TAFA5: variants seen among roughly 807,000 people sequenced by gnomAD.
The protein encoded by TAFA5 is chemokine-like protein TAFA-5.
A neutral mutation model predicts 15.3 loss-of-function variants in TAFA5; 6 were observed. The observed-to-expected ratio is 0.39, with a 90% CI of 0.21 to 0.77. The LOEUF is 0.77. Ranked by LOEUF, TAFA5 falls within the 30% of genes least tolerant of loss-of-function variation. The probability of loss-of-function intolerance (pLI) is 0.41; values close to 1 mark genes in which losing one functional copy is unlikely to be tolerated. For synonymous variants in TAFA5, 103 were observed against 80.7 expected (o/e 1.28, Z -1.48); for missense variants, 161 against 193.1 (o/e 0.83, Z 0.98).
chr22:48,559,160 T>C (rs564170772), intron 1 of TAFA5, among the ~76,000 whole-genome samples: 38 of 152,174 alleles, frequency 2.5e-4, no homozygotes, highest in Middle Eastern at 3.2e-3. Context: ...CTTGACCTTG[T>C]TGAGGCCGCC....
At chr22:48,708,759 A>G (rs1458826510) in intron 3 of TAFA5, among the ~76,000 whole-genome samples, 1 of 152,208 alleles carries the variant, frequency 6.6e-6, no homozygotes, top group Non-Finnish European at 1.5e-5. Flanking sequence ...GTGGCTGGGC[A>G]GAAGGATCTG....
chr22:48,662,976 C>G (rs1927497248), intron 2 of TAFA5, among the ~76,000 whole-genome samples: 1 of 152,200 alleles, frequency 6.6e-6, no homozygotes, highest in Non-Finnish European at 1.5e-5. Flanking sequence ...CTCGGCAGAT[C>G]TGGCAGCTCA....
chr22:48,642,991 A>T (rs761787), intron 1 of TAFA5, among the ~76,000 whole-genome samples: 1 of 152,204 alleles, frequency 6.6e-6, no homozygotes, highest in African/African-American at 2.4e-5. Context: ...GTATTGGGCT[A>T]AGTGTTCTCA....
intron 2 of TAFA5, among the ~76,000 whole-genome samples, chr22:48,653,106 C>T (rs996789968): frequency 1.3e-5 from 2 of 152,176 alleles, no homozygotes; most frequent in Non-Finnish European, 1.5e-5. Context: ...CTGCCACCCG[C>T]GGCCTTTTTG....
intron 1 of TAFA5, among the ~76,000 whole-genome samples, chr22:48,529,158 G>A (rs1182729654): frequency 8.0e-6 from 1 of 125,612 alleles, no homozygotes; most frequent in Non-Finnish European, 1.8e-5. Context: ...TCAAGGTGGA[G>A]GCTGTTGAGG....
At chr22:48,597,374 G>T (rs1447182731) in intron 1 of TAFA5, among the ~76,000 whole-genome samples, 1 of 151,120 alleles carries the variant, frequency 6.6e-6, no homozygotes, top group African/African-American at 2.4e-5. Flanking sequence ...ACGCCACCTG[G>T]CCCGCATCAC....
intron 1 of TAFA5, among the ~76,000 whole-genome samples, chr22:48,633,557 T>C (rs1047622359): frequency 6.6e-6 from 1 of 150,712 alleles, no homozygotes; most frequent in African/African-American, 2.5e-5. Context: ...TCTCTCTCTC[T>C]CCATCTCTCC....
intron 2 of TAFA5, among the ~76,000 whole-genome samples, chr22:48,704,710 C>A (rs994639298): frequency 6.6e-6 from 1 of 152,046 alleles, no homozygotes; most frequent in Non-Finnish European, 1.5e-5. Flanking sequence ...GCTGGAGTTT[C>A]CTCACCTGAC....
At chr22:48,713,148 G>T (rs925708780) in intron 3 of TAFA5, among the ~76,000 whole-genome samples, 1 of 152,242 alleles carries the variant, frequency 6.6e-6, no homozygotes, top group African/African-American at 2.4e-5. Context: ...TGTGCTGCAT[G>T]AAATCACAGT....
chr22:48,507,480 G>T (rs1013151765), intron 1 of TAFA5, among the ~76,000 whole-genome samples: 6 of 152,220 alleles, frequency 3.9e-5, no homozygotes, highest in African/African-American at 1.4e-4. Context: ...GTCTGCCTGG[G>T]ACTTGATTTC....
chr22:48,623,770 T>G (rs1925935514), intron 1 of TAFA5, among the ~76,000 whole-genome samples: 2 of 152,242 alleles, frequency 1.3e-5, no homozygotes, highest in Admixed American at 1.3e-4. Context: ...CCTTCGTATT[T>G]CCTACAGATA....
chr22:48,675,058 T>C (rs529771512), intron 2 of TAFA5, among the ~76,000 whole-genome samples: 30 of 151,920 alleles, frequency 2.0e-4, no homozygotes, highest in Non-Finnish European at 4.4e-4. Context: ...TCTCCTGCCT[T>C]AGCCTCCCGA....
chr22:48,518,156 G>A (rs1433279934), intron 1 of TAFA5, among the ~76,000 whole-genome samples: 3 of 152,212 alleles, frequency 2.0e-5, no homozygotes, highest in Non-Finnish European at 2.9e-5. Context: ...AGGTCTGGGA[G>A]GCTTTCTCCA....
chr22:48,748,582 C>T (rs933158269), intron 3 of TAFA5, among the ~76,000 whole-genome samples: 1 of 152,246 alleles, frequency 6.6e-6, no homozygotes, highest in African/African-American at 2.4e-5. Context: ...GGTCCCCTCA[C>T]CCCTGAGCCT....
At chr22:48,536,890 C>T (rs1191193476) in intron 1 of TAFA5, among the ~76,000 whole-genome samples, 2 of 152,178 alleles carry the variant, frequency 1.3e-5, no homozygotes, top group Non-Finnish European at 2.9e-5. Context: ...CCCCGGACAC[C>T]CTGGCACTGG....
chr22:48,576,043 C>G (rs528057396), intron 1 of TAFA5, among the ~76,000 whole-genome samples: 1 of 105,478 alleles, frequency 9.5e-6, no homozygotes, highest in Admixed American at 8.6e-5. Context: ...CGCCGGACCC[C>G]CCCCCCCCCC....
In TAFA5 at chr22:48,722,676, C is replaced by G. The variant is rs554879739; in HGVS notation, c.390+14832C>G. On this transcript the variant is annotated intron_variant, in intron 3 of 3. Coordinates refer to ENST00000402357, the MANE Select transcript of TAFA5 (RefSeq NM_001082967.3). The stretch of plus-strand genomic sequence containing the variant: ...CTATGTACCAAAACTGCACGTTCTG[C>G]CATGTACCCCAGAACTTAAAGTATA... 3.1e-3 allele frequency among the ~76,000 whole-genome samples: 466 copies of G among 152,030 alleles called. 2 individuals are homozygous for G. Among genetic ancestry groups the G allele is most frequent in the Middle Eastern group, 0.02 (6 of 294 alleles).
chr22:48,631,242 A>C lies in TAFA5; in HGVS notation c.113-15355A>C, dbSNP rs370351447. On this transcript the variant is annotated intron_variant, in intron 1 of 3. Transcript: ENST00000402357. ...CCCTCTGCCAGGCCAGGCCAGGGTG[A>C]AGTGGGCAACCTCAGGCTCCCCTGG... 5.3e-5 allele frequency among the ~76,000 whole-genome samples: 8 copies of C among 152,226 alleles called. No individual in the cohort carries two copies. In the East Asian group the frequency reaches 1.2e-3, roughly 22 times the overall value.
chr22:48,615,432 G>A (rs748755635), intron 1 of TAFA5, among the ~76,000 whole-genome samples: 10 of 152,186 alleles, frequency 6.6e-5, no homozygotes, highest in Non-Finnish European at 1.0e-4. Flanking sequence ...GGCCGAGGAC[G>A]CTCTGTCCGT....
Sources: gnomAD v4.1 joint callset for allele counts (sites outside exome capture counted in the v4.1 genomes callset) on GRCh38, gnomAD v4.1.1 for gene constraint, MANE v1.5 for transcripts, NCBI Gene and HGNC (gene_info 2026-07-23, HGNC 2026-07-21) for gene names.